NEBL: variants seen among roughly 807,000 people sequenced by gnomAD.
NEBL encodes the protein LIM and SH3 protein 2.
NEBL carries 122 observed loss-of-function variants against 140.2 expected under a neutral mutation model. That is an observed-to-expected ratio of 0.87 (90% CI 0.75 to 1.01). The LOEUF (loss-of-function observed/expected upper bound fraction) is 1.01. Among genes scored for constraint, NEBL ranks in the 50% least tolerant of loss-of-function variants. The probability of loss-of-function intolerance (pLI) is 0.00; values close to 1 mark genes in which losing one functional copy is unlikely to be tolerated. For synonymous variants in NEBL, 436 were observed against 398.9 expected, an observed-to-expected ratio of 1.09 and a Z score of -1.11; for missense variants, 1,365 against 1,231.3, an observed-to-expected ratio of 1.11 and a Z score of -1.62.
intron 3 of NEBL, among the ~76,000 whole-genome samples, chr10:21,191,876 A>G (rs1038521527): frequency 4.6e-5 from 7 of 152,218 alleles, no homozygotes; most frequent in African/African-American, 1.7e-4. Flanking sequence ...TAAAACTAGA[A>G]ATGATGCAGG....
In NEBL at chr10:21,014,890, C is replaced by A. The variant is rs373730822; in HGVS notation, c.249+5227G>T. 1.6e-4 allele frequency among the ~76,000 whole-genome samples: 25 copies of A among 152,310 alleles called. 1 individual carries two copies. In the East Asian group the frequency reaches 4.4e-3, roughly 27 times the overall value. ...TATCATTTATCGTACTTCCTATGAA[C>A]CACGTTTTCATGCCTCTGCAGAAAC... On this transcript the variant is annotated intron_variant, in intron 3 of 6. Transcript: ENST00000417816.
intron 4 of NEBL, among the ~76,000 whole-genome samples, chr10:20,887,561 G>C (rs575383485): frequency 1.5e-4 from 23 of 151,874 alleles, no homozygotes; most frequent in Non-Finnish European, 3.4e-4. Flanking sequence ...TGGCACCACA[G>C]GTGCATGCCA....
At chr10:21,111,690 C>T (rs1487592889) in intron 2 of NEBL, among the ~76,000 whole-genome samples, 3 of 150,658 alleles carry the variant, frequency 2.0e-5, no homozygotes, top group African/African-American at 7.4e-5. Flanking sequence ...GCAAAGACTC[C>T]ATGACTAAAA....
At chr10:20,811,921 T>A (rs1199800165) in intron 24 of NEBL, among the ~76,000 whole-genome samples, 1 of 152,212 alleles carries the variant, frequency 6.6e-6, no homozygotes, top group Non-Finnish European at 1.5e-5. Flanking sequence ...TACTTCAGTA[T>A]GATCTTTTCT....
At chr10:21,092,415 C>A (rs1206013197) in intron 2 of NEBL, among the ~76,000 whole-genome samples, 1 of 152,142 alleles carries the variant, frequency 6.6e-6, no homozygotes, top group Non-Finnish European at 1.5e-5. Flanking sequence ...CTATGTTCCT[C>A]TAGAAGTAAC....
chr10:21,054,930 C>A (rs1490179629), intron 2 of NEBL, among the ~76,000 whole-genome samples: 1 of 152,080 alleles, frequency 6.6e-6, no homozygotes, highest in African/African-American at 2.4e-5. Flanking sequence ...GATTTCAATG[C>A]TTTAGTATTA....
At chr10:21,076,275 T>G (rs963608750) in intron 2 of NEBL, among the ~76,000 whole-genome samples, 1 of 151,382 alleles carries the variant, frequency 6.6e-6, no homozygotes, top group Non-Finnish European at 1.5e-5. Flanking sequence ...AAACCCCATC[T>G]CTACTAAAAA....
chr10:21,094,021 T>C (rs1837044288), intron 2 of NEBL, among the ~76,000 whole-genome samples: 1 of 152,320 alleles, frequency 6.6e-6, no homozygotes, highest in Non-Finnish European at 1.5e-5. Context: ...ACATTAAGCA[T>C]CACTACTCAA....
At chr10:21,174,227 C>G (rs538705221), upstream of NEBL, 118 of 182,592 alleles carry the variant, frequency 6.5e-4, no homozygotes, top group East Asian at 9.7e-3. Context: ...TGGCAGGGAA[C>G]GTGCACGTCG....
chr10:20,857,526 T>A (rs1843200608), intron 9 of NEBL, among the ~76,000 whole-genome samples: 1 of 152,272 alleles, frequency 6.6e-6, no homozygotes, highest in African/African-American at 2.4e-5. Context: ...TATGGTCAAA[T>A]AAGAGCTCAT....
At chr10:21,072,549 C>T (rs190109380) in intron 2 of NEBL, among the ~76,000 whole-genome samples, 23 of 152,332 alleles carry the variant, frequency 1.5e-4, no homozygotes, top group Admixed American at 1.4e-3. Flanking sequence ...ATACAGGCCA[C>T]GGGGCTGTCG....
At chr10:20,904,624 C>T (rs1848012801) in intron 4 of NEBL, among the ~76,000 whole-genome samples, 1 of 152,182 alleles carries the variant, frequency 6.6e-6, no homozygotes, top group African/African-American at 2.4e-5. Context: ...CATTTGACTA[C>T]TGGCAAATGT....
chr10:21,225,287 C>A (rs74123912), intron 3 of NEBL, among the ~76,000 whole-genome samples: 2,642 of 152,236 alleles, frequency 0.017, 41 homozygotes, highest in African/African-American at 0.024. Context: ...AGAGGTGACA[C>A]AAGCACCCCT....
In NEBL at chr10:20,783,249, A is replaced by T. The variant is rs2131605331; in HGVS notation, c.*2498T>A. ...ATAATTTTCCAATATTTCTCCTGAG[A>T]TGCTTAACATCCTGACAAGCTTTAT... is the stretch of plus-strand genomic sequence containing the variant. On this transcript the variant is annotated 3_prime_UTR_variant, in exon 28 of 28. Transcript: ENST00000377122. The T allele has an allele frequency of 6.6e-6, 1 of 152,254 alleles. No individual in the cohort carries two copies. Among genetic ancestry groups the T allele is most frequent in the Admixed American group, 6.5e-5 (1 of 15,276 alleles). 9.4% of individuals were successfully genotyped at this position (152,254 alleles called of 1,614,324 possible). A position where few individuals can be genotyped will look rare whatever the true frequency, so the allele number is the denominator to read the frequency against.
chr10:20,793,681 G>C (rs971572146), intron 26 of NEBL, among the ~76,000 whole-genome samples: 3 of 151,704 alleles, frequency 2.0e-5, no homozygotes, highest in East Asian at 3.9e-4. Flanking sequence ...AGCCTCCCAA[G>C]TAGCTGGGAC....
intron 3 of NEBL, among the ~76,000 whole-genome samples, chr10:20,980,353 AG>A: frequency 6.6e-6 from 1 of 151,830 alleles, no homozygotes; most frequent in Middle Eastern, 3.4e-3. Context: ...CAAAAAAAAA[AG>A]TTTCTTTTTG....
intron 2 of NEBL, among the ~76,000 whole-genome samples, chr10:21,062,645 C>A (rs1835355974): frequency 6.6e-6 from 1 of 152,068 alleles, no homozygotes; most frequent in Non-Finnish European, 1.5e-5. Context: ...CATGATTGCA[C>A]CACTGTATTC....
At chr10:20,903,653 T>G (rs910626358) in intron 4 of NEBL, among the ~76,000 whole-genome samples, 1 of 152,100 alleles carries the variant, frequency 6.6e-6, no homozygotes, top group African/African-American at 2.4e-5. Context: ...AAAGAAAATG[T>G]GGTATGCATA....
rs149347586 is a variant in NEBL at position 21,055,833 on chromosome 10, C to T, written c.165-35632G>A. Among the ~76,000 whole-genome samples the T allele has an allele frequency of 2.1e-3, 325 of 152,206 alleles. 1 individual carries two copies. The highest frequency in any genetic ancestry group is 7.7e-3 in the African/African-American group (318 of 41,536). ...CCGATGAGGGTGTTCAGGGGGCTCC[C>T]GCGTGAGAATGAAAAGAAATGATCC... is the stretch of plus-strand genomic sequence containing the variant. On this transcript the variant is annotated intron_variant, in intron 2 of 6. Transcript: ENST00000417816.
Sources: allele counts gnomAD v4.1 joint callset (sites outside exome capture counted in the v4.1 genomes callset), GRCh38; gene constraint gnomAD v4.1.1; transcripts MANE v1.5; gene names NCBI Gene and HGNC (gene_info 2026-07-23, HGNC 2026-07-21).